Variants in GPHN observed in about 807,000 individuals in gnomAD.
The protein encoded by GPHN is gephyrin.
A neutral mutation model predicts 95.5 loss-of-function variants in GPHN; 17 were observed. That is an observed-to-expected ratio of 0.18 (90% confidence interval 0.12 to 0.27). The LOEUF (loss-of-function observed/expected upper bound fraction) is 0.27. GPHN is among the 10% of genes least tolerant of loss of function. The pLI is 1.00. For synonymous variants in GPHN, 320 were observed against 322.5 expected, an observed-to-expected ratio of 0.99 and a Z score of 0.08; for missense variants, 660 against 978.1, an observed-to-expected ratio of 0.67 and a Z score of 4.34.
chr14:67,578,687 A>T, the GPHN span: 1 of 1,116,838 alleles, frequency 9.0e-7, no homozygotes, highest in Non-Finnish European at 1.3e-6. The surrounding 1 kb of genome is among the most constrained non-coding windows in gnomAD (Gnocchi z 5.0). Context: ...TGCCGCATGA[A>T]TAAGAGGGAT....
chr14:66,891,637 A>G (rs2064506371), intron 5 of GPHN, among the ~76,000 whole-genome samples: 1 of 152,168 alleles, frequency 6.6e-6, no homozygotes, highest in Non-Finnish European at 1.5e-5. Context: ...AAAAAACTAG[A>G]TAATTTGGAC....
chr14:66,555,104 A>G (rs1193998615), intron 1 of GPHN, among the ~76,000 whole-genome samples: 1 of 152,018 alleles, frequency 6.6e-6, no homozygotes, highest in East Asian at 1.9e-4. Flanking sequence ...CCAGTTTAAA[A>G]ACAGAAAAAA....
the GPHN span, chr14:67,397,750 C>G: frequency 6.2e-7 from 1 of 1,613,470 alleles, no homozygotes; most frequent in South Asian, 1.1e-5. Context: ...TCTCCGACCC[C>G]CCTCAAGCTT....
At chr14:66,769,067 A>G (rs1327120684) in intron 2 of GPHN, among the ~76,000 whole-genome samples, 1 of 152,002 alleles carries the variant, frequency 6.6e-6, no homozygotes, top group East Asian at 1.9e-4. Flanking sequence ...TAATAAGTAT[A>G]CTGAAGTGGA....
intron 17 of GPHN, among the ~76,000 whole-genome samples, chr14:67,127,523 G>C (rs1427925231): frequency 1.3e-5 from 2 of 152,146 alleles, no homozygotes; most frequent in Non-Finnish European, 2.9e-5. Context: ...CCTGTGAGTC[G>C]TCTGGAGATC....
intron 11 of GPHN, among the ~76,000 whole-genome samples, chr14:67,063,335 C>A (rs902996711): frequency 6.6e-6 from 1 of 152,068 alleles, no homozygotes; most frequent in Non-Finnish European, 1.5e-5. Context: ...GTTACTGTAG[C>A]CTTGTAGTGT....
chr14:66,760,934 C>T (rs1442973198), intron 2 of GPHN: 22 of 915,292 alleles, frequency 2.4e-5, no homozygotes, highest in Non-Finnish European at 3.6e-5. Context: ...TTATCCGAGC[C>T]TCTTTTGCAG....
the GPHN span, chr14:67,302,703 T>A: frequency 1.5e-6 from 1 of 653,042 alleles, no homozygotes; most frequent in Non-Finnish European, 2.3e-6. Context: ...ATGATGTAAC[T>A]GTTCCACAGT....
intron 1 of GPHN, among the ~76,000 whole-genome samples, chr14:66,678,084 G>A (rs1430847208): frequency 6.6e-6 from 1 of 152,042 alleles, no homozygotes; most frequent in Admixed American, 6.5e-5. Context: ...ACATTTTTGG[G>A]TTGAGTATTT....
chr14:67,352,171 G>A, the GPHN span, among the ~76,000 whole-genome samples: 1 of 152,008 alleles, frequency 6.6e-6, no homozygotes, highest in African/African-American at 2.4e-5. Context: ...AAATGCTTTT[G>A]TTAAGTACGT....
chr14:66,959,185 T>C (rs2068731947), intron 8 of GPHN, among the ~76,000 whole-genome samples: 1 of 152,112 alleles, frequency 6.6e-6, no homozygotes, highest in Non-Finnish European at 1.5e-5. Flanking sequence ...AATCATTGCT[T>C]TATGTAGTTT....
chr14:67,654,309 AG>A, the GPHN span, among the ~76,000 whole-genome samples: 36 of 240 alleles, frequency 0.15, no homozygotes, highest in Admixed American at 0.21. Context: ...CTCGCTATAG[AG>A]ATGAGGTCTC....
At chr14:67,173,113 G>A (rs1357872890) in intron 21 of GPHN, among the ~76,000 whole-genome samples, 3 of 152,120 alleles carry the variant, frequency 2.0e-5, no homozygotes, top group Non-Finnish European at 4.4e-5. Context: ...CTGGCTCTGT[G>A]GACAACCTAC....
At chr14:67,571,668 C>G in the GPHN span, 1 of 1,454,594 alleles carries the variant, frequency 6.9e-7, no homozygotes, top group Non-Finnish European at 9.6e-7. Context: ...ACCATGGGCA[C>G]TTGGACCAGG....
At chr14:67,667,821 G>A in the GPHN span, among the ~76,000 whole-genome samples, 1 of 152,086 alleles carries the variant, frequency 6.6e-6, no homozygotes, top group African/African-American at 2.4e-5. Flanking sequence ...GTGGGCGCCT[G>A]TAGTCCCAGC....
At chr14:67,338,224 A>C in the GPHN span, 95 of 156,800 alleles carry the variant, frequency 6.1e-4, no homozygotes, top group African/African-American at 2.1e-3. Flanking sequence ...TGGCTGCAGC[A>C]ATCTCAGACA....
the GPHN span, chr14:67,692,802 G>A: frequency 1.1e-6 from 1 of 881,900 alleles, no homozygotes; most frequent in Non-Finnish European, 1.8e-6. Flanking sequence ...ACTAGTTTCA[G>A]ATCAGCAAAT....
chr14:67,420,378 G>A, the GPHN span, among the ~76,000 whole-genome samples: 3 of 152,348 alleles, frequency 2.0e-5, no homozygotes, highest in East Asian at 5.8e-4. Context: ...AATATCCAAG[G>A]CAGAGCTGTG....
At chr14:67,232,899 G>A in the GPHN span, among the ~76,000 whole-genome samples, 1 of 152,066 alleles carries the variant, frequency 6.6e-6, no homozygotes, top group African/African-American at 2.4e-5. Context: ...AGGCCTGAAA[G>A]CTTTTAGTCT....
Sources: allele counts gnomAD v4.1 joint callset (sites outside exome capture counted in the v4.1 genomes callset), GRCh38; gene constraint gnomAD v4.1.1; non-coding constraint Gnocchi (gnomAD v3.1); transcripts MANE v1.5; gene names NCBI Gene and HGNC (gene_info 2026-07-23, HGNC 2026-07-21).